Variants in STOX2 observed in about 807,000 individuals in gnomAD.
The protein encoded by STOX2 is storkhead box 2.
In STOX2, 28 loss-of-function variants were observed where a neutral mutation model predicts 60.9. The ratio of observed to expected loss-of-function variants is 0.46; its 90% confidence interval spans 0.34 to 0.63. The LOEUF (loss-of-function observed/expected upper bound fraction) is 0.63, where lower values mean the gene tolerates loss of function less well. Among genes scored for constraint, STOX2 ranks in the 30% least tolerant of loss-of-function variants. The pLI is 0.01. For missense variants in STOX2, 1,024 were observed against 1,187.7 expected (o/e 0.86, Z 2.03); for synonymous variants, 472 against 463.9 (o/e 1.02, Z -0.22).
chr4:183,835,902 G>A (rs144670783), intron 1 of STOX2, among the ~76,000 whole-genome samples: 8 of 152,280 alleles, frequency 5.3e-5, no homozygotes, highest in East Asian at 1.9e-4. Flanking sequence ...TTGCTGGGTC[G>A]TATGGTAACT....
chr4:183,823,569 T>C (rs1044398240), intron 1 of STOX2, among the ~76,000 whole-genome samples: 4 of 152,226 alleles, frequency 2.6e-5, no homozygotes, highest in African/African-American at 9.6e-5. Context: ...TGAGGGAATG[T>C]GGAGCTGTGC....
intron 1 of STOX2, among the ~76,000 whole-genome samples, chr4:183,927,772 T>G (rs2111109909): frequency 6.6e-6 from 1 of 152,310 alleles, no homozygotes; most frequent in East Asian, 1.9e-4. Context: ...TTGCCCTTTC[T>G]GGGACTTACC....
chr4:183,818,250 T>A (rs7669611), intron 1 of STOX2, among the ~76,000 whole-genome samples: 2 of 151,748 alleles, frequency 1.3e-5, no homozygotes, highest in East Asian at 1.9e-4. Context: ...GCGGCCTTCC[T>A]CAGTGTTTGT....
upstream of STOX2, among the ~76,000 whole-genome samples, chr4:183,902,771 C>A (rs1741490139): frequency 6.6e-6 from 1 of 152,208 alleles, no homozygotes; most frequent in African/African-American, 2.4e-5. Context: ...GCATTGTCCC[C>A]AGTTTGGATG....
rs373178092 is a variant in STOX2, at chr4:184,010,743, G to A, written c.1905G>A (p.Lys635=). The change falls in exon 3 of 4, where the codon AAG becomes AAA. Residue 635 remains lysine, a synonymous_variant. Coordinates refer to ENST00000308497, the MANE Select transcript of STOX2 (RefSeq NM_020225.3). This position sits in a 1 kb window ranked among gnomAD's most constrained non-coding sequence, Gnocchi z 4.5. ...DTLTLAEGVK[K]LSPSDRQVPH... is the part of the protein sequence containing the mutation. Reference sequence around the variant, plus strand: ...TGACTTTGGCAGAAGGGGTGAAAAAGCTCTCCCCTTCTGATAGGCAGGTCC... The same window carrying A: ...TGACTTTGGCAGAAGGGGTGAAAAAACTCTCCCCTTCTGATAGGCAGGTCC... The A allele has an allele frequency of 7.0e-5, 112 of 1,591,656 alleles. No individual in the cohort carries two copies. Among genetic ancestry groups the A allele is most frequent in the Non-Finnish European group, 8.8e-5 (103 of 1,169,336 alleles).
Position 184,011,530 on chromosome 4 carries a change from G to C in STOX2, c.2585+107G>C. 6.4e-7 allele frequency: 1 copy of C among 1,572,560 alleles called. No individual in the cohort carries two copies. The highest frequency in any genetic ancestry group is 8.6e-7 in the Non-Finnish European group (1 of 1,159,472). On this transcript the variant is annotated intron_variant, in intron 3 of 3. Coordinates refer to ENST00000308497, the MANE Select transcript of STOX2 (RefSeq NM_020225.3). This position sits in a 1 kb window ranked among gnomAD's most constrained non-coding sequence, Gnocchi z 4.4. ...TTCGTAGTCTCAGTTCTATGGATGAGGGTTAAGAGTTGTATGAGTTGTATT... is the reference window on the plus strand; with the variant it reads ...TTCGTAGTCTCAGTTCTATGGATGACGGTTAAGAGTTGTATGAGTTGTATT...
intron 2 of STOX2, among the ~76,000 whole-genome samples, chr4:184,006,860 C>CAA (rs1298045787): frequency 6.7e-6 from 1 of 150,192 alleles, no homozygotes; most frequent in Non-Finnish European, 1.5e-5. Context: ...ACTAAAAATA[C>CAA]AAAAAATTAG....
rs1664966592 is a variant in STOX2 at position 183,973,319 on chromosome 4, T to C, written c.167-28006T>C. Among the ~76,000 whole-genome samples the C allele has an allele frequency of 2.0e-5, 3 of 151,932 alleles. 1 individual carries two copies. The South Asian group carries it at 6.2e-4, about 32-fold the overall frequency. On this transcript the variant is annotated intron_variant, in intron 1 of 3. Transcript: ENST00000308497. ...AAGAGAGAAAAATATTGAAAGCAAA[T>C]AGGGAAAAATGCTACATAACATATA...
intron 1 of STOX2, chr4:183,798,921 T>C (rs370774181): frequency 2.0e-4 from 27 of 136,684 alleles, no homozygotes; most frequent in African/African-American, 7.1e-4. Flanking sequence ...TACTATTACA[T>C]AGTAAATAGT....
intron 1 of STOX2, chr4:183,960,221 T>G (rs1743372602): frequency 6.6e-6 from 1 of 152,226 alleles, no homozygotes; most frequent in Non-Finnish European, 1.5e-5. Context: ...CTCTGTTGTC[T>G]TTGTGTGAAC....
intron 1 of STOX2, among the ~76,000 whole-genome samples, chr4:183,934,399 C>A (rs1475343397): frequency 2.0e-5 from 3 of 152,090 alleles, no homozygotes; most frequent in Non-Finnish European, 4.4e-5. Flanking sequence ...TTGGCCCAAC[C>A]CCTTTGTCTT....
At chr4:183,948,445 G>C (rs1742967017) in intron 1 of STOX2, among the ~76,000 whole-genome samples, 1 of 149,342 alleles carries the variant, frequency 6.7e-6, no homozygotes, top group Non-Finnish European at 1.5e-5. Context: ...CACCTAGTTT[G>C]GGGAATAATC....
chr4:183,809,363 C>T (rs1309869076), intron 1 of STOX2, among the ~76,000 whole-genome samples: 2 of 152,220 alleles, frequency 1.3e-5, no homozygotes, highest in South Asian at 2.1e-4. Context: ...GCTGGGATTA[C>T]AGGCGTGAGC....
At position 183,856,718 on chromosome 4, in the gene STOX2, CAGA is replaced by C. The variant is rs1455295081; in HGVS notation, c.364+58669_364+58671del. Among the ~76,000 whole-genome samples, 1 of 152,122 alleles carries C rather than the reference CAGA, an allele frequency of 6.6e-6. No homozygotes were observed. Among genetic ancestry groups the C allele is most frequent in the African/African-American group, 2.4e-5 (1 of 41,412 alleles). On this transcript the variant is annotated intron_variant, in intron 1 of 2. Transcript: ENST00000513034. This position sits in a 1 kb window ranked among gnomAD's most constrained non-coding sequence, Gnocchi z 4.0. ...AGAATAATGGGGTGTTTTGTTGTTA[CAGA>C]AGAAGGGAAGGGAGATGTGAAAGTG...
At chr4:183,833,634 G>GTTT (rs112301632) in intron 1 of STOX2, among the ~76,000 whole-genome samples, 1,454 of 142,540 alleles carry the variant, frequency 0.01, 20 homozygotes, top group African/African-American at 0.035. Context: ...TTCTGCAGGA[G>GTTT]TTTTTTTTTT....
At chr4:183,858,391 G>GGCA in intron 1 of STOX2, among the ~76,000 whole-genome samples, 1 of 152,220 alleles carries the variant, frequency 6.6e-6, no homozygotes, top group East Asian at 1.9e-4. Context: ...CCACCCACCC[G>GGCA]GCAGCTCTTC....
chr4:183,953,345 T>C (rs1020100801), intron 1 of STOX2, among the ~76,000 whole-genome samples: 1 of 152,074 alleles, frequency 6.6e-6, no homozygotes, highest in Non-Finnish European at 1.5e-5. Context: ...AAGGGTGGTA[T>C]TGGGAGCATA....
intron 1 of STOX2, among the ~76,000 whole-genome samples, chr4:183,811,181 G>C (rs1057128520): frequency 6.6e-6 from 1 of 152,186 alleles, no homozygotes; most frequent in Non-Finnish European, 1.5e-5. Flanking sequence ...AGGACGGGGA[G>C]GGGTGATAGA....
At chr4:183,843,429 A>G (rs1739915980) in intron 1 of STOX2, among the ~76,000 whole-genome samples, 1 of 152,198 alleles carries the variant, frequency 6.6e-6, no homozygotes. Flanking sequence ...TCAGCCACAA[A>G]TGTAGACAGA....
Sources: allele counts gnomAD v4.1 joint callset (sites outside exome capture counted in the v4.1 genomes callset), GRCh38; gene constraint gnomAD v4.1.1; non-coding constraint Gnocchi (gnomAD v3.1); transcripts MANE v1.5; gene names NCBI Gene and HGNC (gene_info 2026-07-23, HGNC 2026-07-21).